The following SPATA1 variants were observed in gnomAD, a reference collection of about 807,000 sequenced individuals.
SPATA1 encodes the protein spermatogenesis associated 1.
Under a neutral mutation model 59.6 loss-of-function variants are expected in SPATA1, and 57 were observed. That is an observed-to-expected ratio of 0.96 (90% confidence interval 0.77 to 1.19). The LOEUF is 1.19. SPATA1 is among the 50% of genes most tolerant of loss of function. The pLI, the probability that SPATA1 is intolerant of heterozygous loss-of-function variation, is 0.00. For missense variants in SPATA1, 448 were observed against 480.7 expected (o/e 0.93, Z 0.64); for synonymous variants, 147 against 163.9 (o/e 0.90, Z 0.79).
At chr1:84,527,671 T>C (rs547981790) in intron 6 of SPATA1, 11 of 152,302 alleles carry the variant, frequency 7.2e-5, no homozygotes, top group African/African-American at 2.4e-4. Flanking sequence ...CCCTGTGTCA[T>C]AATTTACTTC....
intron 1 of SPATA1, among the ~76,000 whole-genome samples, chr1:84,513,765 A>G (rs889093848): frequency 6.6e-6 from 1 of 152,004 alleles, no homozygotes; most frequent in Non-Finnish European, 1.5e-5. Context: ...CTCTTTATAA[A>G]TAAGTATAGC....
intron 6 of SPATA1, 94 bp downstream of exon 6, chr1:84,526,167 A>G (rs769643219): frequency 2.7e-5 from 27 of 1,016,514 alleles, no homozygotes; most frequent in Non-Finnish European, 2.6e-5. Context: ...ACCTAGCCTT[A>G]CAAATATAGG....
chr1:84,558,875 TG>T (rs111251107), downstream of SPATA1, among the ~76,000 whole-genome samples: 10 of 152,144 alleles, frequency 6.6e-5, 1 homozygote, highest in African/African-American at 2.4e-4. Flanking sequence ...CACTCCATCC[TG>T]GGTGACAGAG....
chr1:84,541,426 T>G (rs1683896866), intron 8 of SPATA1, among the ~76,000 whole-genome samples: 1 of 151,186 alleles, frequency 6.6e-6, no homozygotes, highest in Non-Finnish European at 1.5e-5. Context: ...ATGTTTCACT[T>G]TCTTGGCTCC....
intron 8 of SPATA1, among the ~76,000 whole-genome samples, chr1:84,541,767 G>A (rs747194358): frequency 6.6e-6 from 1 of 152,058 alleles, no homozygotes; most frequent in Non-Finnish European, 1.5e-5. Context: ...CTGCATGAGT[G>A]CTAGATTATT....
chr1:84,508,699 CT>C (rs1682393793), intron 1 of SPATA1, among the ~76,000 whole-genome samples: 2 of 152,194 alleles, frequency 1.3e-5, no homozygotes, highest in African/African-American at 2.4e-5. Flanking sequence ...GTACTTTGTA[CT>C]TTAACTAAAA....
At chr1:84,525,703 A>G (rs1194273736) in exon 5 of SPATA1, 2 of 1,585,648 alleles carry the variant, frequency 1.3e-6, no homozygotes, top group East Asian at 2.2e-5. Flanking sequence ...TAGGTGAAGG[A>G]AAAGCAAGAA....
At chr1:84,562,531 G>A (rs1236431358) in intron 4 of SPATA1, among the ~76,000 whole-genome samples, 1 of 152,030 alleles carries the variant, frequency 6.6e-6, no homozygotes, top group Non-Finnish European at 1.5e-5. Context: ...TATCATTTTA[G>A]TACTCCTTTT....
chr1:84,556,098 T>C (rs1684422197), downstream of SPATA1: 1 of 152,166 alleles, frequency 6.6e-6, no homozygotes, highest in East Asian at 1.9e-4. Flanking sequence ...GAGCCATAAA[T>C]TAGATTCTGG....
In SPATA1 at chr1:84,525,761, G is replaced by T; in HGVS notation, c.315+12G>T. The T allele has an allele frequency of 6.2e-7, 1 of 1,604,568 alleles. No homozygotes were observed. The highest frequency in any genetic ancestry group is 1.1e-5 in the South Asian group (1 of 88,822). On this transcript the variant is annotated intron_variant, in intron 5 of 12. Coordinates refer to ENST00000490879, the Ensembl canonical transcript of SPATA1. ...TTGCTCCTCCATATGTATGTAATGT[G>T]ACATTTTAAACTTATGCTAATTTTT...
intron 2 of SPATA1, among the ~76,000 whole-genome samples, chr1:84,517,973 C>T (rs752953311): frequency 6.6e-6 from 1 of 151,940 alleles, no homozygotes; most frequent in Non-Finnish European, 1.5e-5. Context: ...CAGGACACCA[C>T]TTATGAAATA....
At chr1:84,565,434 A>G (rs1044575612) in intron 4 of SPATA1, among the ~76,000 whole-genome samples, 2 of 152,200 alleles carry the variant, frequency 1.3e-5, no homozygotes, top group East Asian at 3.8e-4. Context: ...AACCATATCT[A>G]TCTTTGCTAT....
intron 8 of SPATA1, among the ~76,000 whole-genome samples, chr1:84,541,968 GTTTTA>G (rs1334008066): frequency 2.6e-5 from 4 of 151,830 alleles, no homozygotes; most frequent in African/African-American, 7.3e-5. Context: ...TGTTGTTGTT[GTTTTA>G]TTTTCATTTT....
chr1:84,517,745 T>A (rs556322840), intron 2 of SPATA1, among the ~76,000 whole-genome samples: 1 of 152,158 alleles, frequency 6.6e-6, no homozygotes, highest in Middle Eastern at 3.4e-3. Flanking sequence ...TTCCAAGGGA[T>A]TGACTCCAGC....
intron 4 of SPATA1, among the ~76,000 whole-genome samples, chr1:84,525,450 G>C (rs569234543): frequency 3.9e-5 from 6 of 151,916 alleles, no homozygotes; most frequent in Admixed American, 6.6e-5. Context: ...ATAGTGCCAG[G>C]GACATAGTAA....
chr1:84,556,235 G>C (rs1453225037), downstream of SPATA1, among the ~76,000 whole-genome samples: 3 of 152,106 alleles, frequency 2.0e-5, no homozygotes, highest in Non-Finnish European at 4.4e-5. Context: ...AAAGGGAAAG[G>C]AGCAGATCTA....
chr1:84,528,875 T>G (rs1683342676), intron 6 of SPATA1, among the ~76,000 whole-genome samples: 1 of 152,222 alleles, frequency 6.6e-6, no homozygotes, highest in African/African-American at 2.4e-5. Flanking sequence ...TCCTTGTTTC[T>G]CTGCTCCACA....
At chr1:84,513,897 A>G (rs1416697152) in intron 1 of SPATA1, among the ~76,000 whole-genome samples, 2 of 140,038 alleles carry the variant, frequency 1.4e-5, no homozygotes, top group African/African-American at 5.7e-5. Context: ...GCTGGAGTGC[A>G]GTGGCACGAT....
intron 10 of SPATA1, among the ~76,000 whole-genome samples, chr1:84,546,907 G>A (rs1337422430): frequency 6.6e-6 from 1 of 152,176 alleles, no homozygotes; most frequent in Non-Finnish European, 1.5e-5. Context: ...GGACTGATGA[G>A]GCAGGATGAA....
Sources: gnomAD v4.1 joint callset for allele counts (sites outside exome capture counted in the v4.1 genomes callset) on GRCh38, gnomAD v4.1.1 for gene constraint, MANE v1.5 for transcripts, NCBI Gene and HGNC (gene_info 2026-07-23, HGNC 2026-07-21) for gene names.